ANO6: variants seen among roughly 807,000 people sequenced by gnomAD.
ANO6 encodes anoctamin 6.
In ANO6, 106 loss-of-function variants were observed where a neutral mutation model predicts 117.5. The observed-to-expected ratio is 0.90, with a 90% CI of 0.77 to 1.06. The LOEUF is 1.06. ANO6 is among the 50% of genes least tolerant of loss of function. The pLI is 0.00. For missense variants in ANO6, 955 were observed against 1,121.1 expected (o/e 0.85, Z 2.12); for synonymous variants, 367 against 385.1 (o/e 0.95, Z 0.55).
intron 12 of ANO6, among the ~76,000 whole-genome samples, chr12:45,392,776 G>A (rs898543281): frequency 6.6e-6 from 1 of 152,188 alleles, no homozygotes; most frequent in Admixed American, 6.5e-5. Context: ...AAGGAAAACA[G>A]ACAGACAGAA....
At chr12:45,341,690 A>G (rs917997068) in intron 3 of ANO6, among the ~76,000 whole-genome samples, 1 of 152,208 alleles carries the variant, frequency 6.6e-6, no homozygotes, top group Non-Finnish European at 1.5e-5. Context: ...GGTGACTCTC[A>G]TAGTGTTCCT....
intron 2 of ANO6, among the ~76,000 whole-genome samples, chr12:45,309,302 C>A (rs1290171088): frequency 6.6e-6 from 1 of 152,042 alleles, no homozygotes; most frequent in Non-Finnish European, 1.5e-5. Flanking sequence ...TTCAGTGAAC[C>A]AGGAGCAGCA....
At chr12:45,404,719 T>C (rs1199072416) in intron 15 of ANO6, among the ~76,000 whole-genome samples, 2 of 151,882 alleles carry the variant, frequency 1.3e-5, no homozygotes, top group Non-Finnish European at 2.9e-5. Context: ...CCTCTTCCCT[T>C]GTTTAGAAAT....
At chr12:45,290,226 A>G (rs1939051109) in intron 1 of ANO6, among the ~76,000 whole-genome samples, 1 of 151,882 alleles carries the variant, frequency 6.6e-6, no homozygotes, top group African/African-American at 2.4e-5. Flanking sequence ...AGGTTTTGGC[A>G]TCACAGGTTT....
Position 45,431,433 on chromosome 12 carries a change from C to A in ANO6, c.*2122C>A. On this transcript the variant is annotated 3_prime_UTR_variant, in exon 20 of 20. Transcript: ENST00000320560. ...AAAGGAAATGTTTTTACCTTATCTC[C>A]TGTATGTATGATAGAACTTAAAAGA... 2 of 985,336 alleles carry A rather than the reference C, an allele frequency of 2.0e-6. No homozygotes were observed. Among genetic ancestry groups the A allele is most frequent in the African/African-American group, 3.5e-5 (2 of 57,312 alleles). The allele number at this position is 985,336 out of a possible 1,614,324, so 61.0% of individuals were successfully genotyped here. A position where few individuals can be genotyped will look rare whatever the true frequency, so the allele number is the denominator to read the frequency against.
chr12:45,382,781 T>TA (rs1220056795), intron 10 of ANO6, among the ~76,000 whole-genome samples: 1 of 152,216 alleles, frequency 6.6e-6, no homozygotes, highest in Non-Finnish European at 1.5e-5. Flanking sequence ...ATACCTTAAT[T>TA]AAAAAATACT....
At chr12:45,379,615 G>GTA (rs547177465) in intron 10 of ANO6, among the ~76,000 whole-genome samples, 2 of 152,192 alleles carry the variant, frequency 1.3e-5, no homozygotes, top group South Asian at 4.1e-4. Context: ...GAATCATAAT[G>GTA]TATAACATTC....
intron 8 of ANO6, among the ~76,000 whole-genome samples, chr12:45,358,549 G>A (rs2137478610): frequency 6.6e-6 from 1 of 151,946 alleles, no homozygotes; most frequent in South Asian, 2.1e-4. Context: ...GGTTGTTCTT[G>A]TTATAACTTA....
chr12:45,334,508 G>GT (rs1252156782), intron 3 of ANO6, among the ~76,000 whole-genome samples: 1 of 151,988 alleles, frequency 6.6e-6, no homozygotes, highest in Non-Finnish European at 1.5e-5. Context: ...TCTCAGGGCT[G>GT]TTTTTTAAGA....
chr12:45,311,745 G>A (rs796337983), intron 2 of ANO6, among the ~76,000 whole-genome samples: 4 of 152,022 alleles, frequency 2.6e-5, no homozygotes, highest in African/African-American at 9.7e-5. Flanking sequence ...TAACAATCTA[G>A]CATGGAGATA....
chr12:45,326,369 T>G (rs1056478114), intron 2 of ANO6, among the ~76,000 whole-genome samples: 1 of 152,232 alleles, frequency 6.6e-6, no homozygotes. Context: ...AATTTCTACA[T>G]ATTTTAACTT....
chr12:45,435,024 C>T (rs1943691894), downstream of ANO6, among the ~76,000 whole-genome samples: 1 of 152,172 alleles, frequency 6.6e-6, no homozygotes, highest in South Asian at 2.1e-4. Flanking sequence ...CAGAACTTTT[C>T]CCAGACAATA....
In ANO6 at chr12:45,384,859, A is replaced by G. The variant is rs184434666; in HGVS notation, c.1166-3302A>G. On this transcript the variant is annotated intron_variant, in intron 10 of 19. Coordinates refer to ENST00000320560, the MANE Select transcript of ANO6 (RefSeq NM_001025356.3). ...GCTCAACGTGGGGTTGCCACAAACA[A>G]TCAATTTGTAAGAAGATAAAAACAC... Among the ~76,000 whole-genome samples, 286 of 152,332 alleles carry G rather than the reference A, an allele frequency of 1.9e-3. 2 individuals carry two copies. The highest frequency in any genetic ancestry group is 2.8e-3 in the Non-Finnish European group (189 of 68,028).
rs565180167 is a variant in ANO6 at position 45,216,288 on chromosome 12, C to T, written c.-34C>T. 1.5e-4 allele frequency: 245 copies of T among 1,586,822 alleles called. 4 individuals are homozygous for T. The South Asian group carries it at 2.7e-3, about 17-fold the overall frequency. ...TCTGGAACCCGGGAGCCCCCAACTT[C>T]GCGCCAAGTTCGGAGCCGCCTTCTG... On this transcript the variant is annotated 5_prime_UTR_variant, in exon 1 of 20. Transcript: ENST00000320560.
chr12:45,275,441 C>T (rs1938525029), intron 1 of ANO6, among the ~76,000 whole-genome samples: 1 of 152,228 alleles, frequency 6.6e-6, no homozygotes, highest in East Asian at 1.9e-4. Context: ...AACTCCTGAC[C>T]TCATGATCCA....
intron 2 of ANO6, among the ~76,000 whole-genome samples, chr12:45,319,017 TGAGCCGATGGGGTTTTCTA>T (rs932101454): frequency 6.6e-6 from 1 of 152,200 alleles, no homozygotes; most frequent in Admixed American, 6.5e-5. Flanking sequence ...GATTTTGAAC[TGAGCCGATGGGGTTTTCTA>T]GATATACAAT....
chr12:45,324,909 ATG>A (rs1257896316), intron 2 of ANO6, among the ~76,000 whole-genome samples: 1 of 152,316 alleles, frequency 6.6e-6, no homozygotes, highest in East Asian at 1.9e-4. Context: ...ACACAGTCAC[ATG>A]TGACACAGGT....
chr12:45,302,132 G>A lies in ANO6; in HGVS notation c.150+39G>A. ...CTTTATCTTAAATTTGTATTCTTAAGCTAAGAGATTTTTCACAAAATGAGA... is the reference window on the plus strand; with the variant it reads ...CTTTATCTTAAATTTGTATTCTTAAACTAAGAGATTTTTCACAAAATGAGA... On this transcript the variant is annotated intron_variant, in intron 2 of 19. Transcript: ENST00000320560. 3 of 1,581,422 alleles carry A rather than the reference G, an allele frequency of 1.9e-6. No individual in the cohort carries two copies. The South Asian group carries it at 3.3e-5, about 17-fold the overall frequency.
At chr12:45,409,322 A>T in intron 15 of ANO6, 35 bp from the exon 16 acceptor site, 1 of 1,612,234 alleles carries the variant, frequency 6.2e-7, no homozygotes, top group Non-Finnish European at 8.5e-7. Context: ...GCCTGATAAT[A>T]TTCGTTCTAA....
Sources: gnomAD v4.1 joint callset for allele counts (sites outside exome capture counted in the v4.1 genomes callset) on GRCh38, gnomAD v4.1.1 for gene constraint, MANE v1.5 for transcripts, NCBI Gene and HGNC (gene_info 2026-07-23, HGNC 2026-07-21) for gene names.